Variants in CNOT2 observed in about 807,000 individuals in gnomAD.
CNOT2 encodes the protein CC chemokine receptor 4-negative regulator of transcription 2.
In CNOT2, 7 loss-of-function variants were observed where a neutral mutation model predicts 72.1. That is an observed-to-expected ratio of 0.10 (90% CI 0.06 to 0.18). The LOEUF is 0.18. CNOT2 is among the 10% of genes least tolerant of loss of function. The pLI is 1.00. For synonymous variants in CNOT2, 196 were observed against 225.6 expected (o/e 0.87, Z 1.17); for missense variants, 345 against 660.3 (o/e 0.52, Z 5.23).
intron 3 of CNOT2, among the ~76,000 whole-genome samples, chr12:70,311,270 TG>T (rs1876407638): frequency 1.3e-5 from 2 of 152,016 alleles, no homozygotes; most frequent in South Asian, 4.1e-4. Context: ...CTCAAAGACA[TG>T]GAGTAAACAT....
chr12:70,337,848 C>T, intron 9 of CNOT2: 1 of 444,920 alleles, frequency 2.2e-6, no homozygotes, highest in South Asian at 1.7e-5. Flanking sequence ...AGAATTTATA[C>T]ACATTTTTAT....
chr12:70,283,769 A>G (rs1288962897), intron 2 of CNOT2, among the ~76,000 whole-genome samples: 1 of 151,886 alleles, frequency 6.6e-6, no homozygotes. Flanking sequence ...AGCCAGAGAT[A>G]AAGTAAAGGG....
rs1207289264 is a variant in CNOT2, at chr12:70,246,211, C to CT, written c.-96+2739dup. On this transcript the variant is annotated intron_variant, in intron 1 of 15. Transcript: ENST00000229195. ...CTTTAAAAGCAGTGGTAAATAATAG[C>CT]TTTTTTTTGTTGTTAAAATTTGTAA... Among the ~76,000 whole-genome samples the CT allele has an allele frequency of 2.6e-5, 4 of 151,988 alleles. No individual in the cohort carries two copies. In the East Asian group the frequency reaches 5.8e-4, roughly 22 times the overall value.
chr12:70,309,520 A>G (rs1041626328), intron 2 of CNOT2, among the ~76,000 whole-genome samples: 1 of 152,128 alleles, frequency 6.6e-6, no homozygotes, highest in Non-Finnish European at 1.5e-5. Context: ...AGTCTGCAAC[A>G]TAGTTCACCA....
intron 2 of CNOT2, among the ~76,000 whole-genome samples, chr12:70,298,952 A>C (rs959362491): frequency 6.6e-6 from 1 of 152,208 alleles, no homozygotes; most frequent in East Asian, 1.9e-4. Context: ...GGGAAGAAGA[A>C]TAGATTAATA....
chr12:70,335,319 G>A, intron 7 of CNOT2, 119 bp from the exon 8 acceptor site: 1 of 710,772 alleles, frequency 1.4e-6, no homozygotes, highest in Non-Finnish European at 2.5e-6. Flanking sequence ...ACCTAGTACA[G>A]TGCCGTGCAT....
chr12:70,297,337 A>G (rs1302708498), intron 2 of CNOT2, among the ~76,000 whole-genome samples: 1 of 152,182 alleles, frequency 6.6e-6, no homozygotes, highest in African/African-American at 2.4e-5. Flanking sequence ...ATGCAAGCAG[A>G]CTACAAACTC....
At chr12:70,337,658 G>GCT (rs1327850663) in intron 9 of CNOT2, 145 bp downstream of exon 9, 1 of 891,820 alleles carries the variant, frequency 1.1e-6, no homozygotes, top group Admixed American at 2.2e-5. Flanking sequence ...ATGTGGAAAA[G>GCT]CTTTATAACT....
At chr12:70,303,955 T>G (rs1431487958) in intron 2 of CNOT2, among the ~76,000 whole-genome samples, 1 of 152,224 alleles carries the variant, frequency 6.6e-6, no homozygotes, top group African/African-American at 2.4e-5. Context: ...TTTCATTCAT[T>G]TCGTCTTCCA....
chr12:70,267,617 A>G (rs984544275), intron 1 of CNOT2, among the ~76,000 whole-genome samples: 2 of 152,238 alleles, frequency 1.3e-5, no homozygotes, highest in Admixed American at 1.3e-4. Context: ...TTCAAGTGGA[A>G]TGTGGAAACC....
chr12:70,265,936 C>G (rs1021779394), intron 1 of CNOT2, among the ~76,000 whole-genome samples: 3 of 150,374 alleles, frequency 2.0e-5, no homozygotes, highest in African/African-American at 7.3e-5. Context: ...TTTCCAGTTT[C>G]TCATGTCACT....
intron 1 of CNOT2, among the ~76,000 whole-genome samples, chr12:70,255,026 T>C (rs560874927): frequency 1.3e-5 from 2 of 150,982 alleles, no homozygotes; most frequent in African/African-American, 4.9e-5. Context: ...GAAAACTGGC[T>C]TATTGGACTT....
intron 1 of CNOT2, among the ~76,000 whole-genome samples, chr12:70,258,187 C>T (rs1001823899): frequency 2.6e-5 from 4 of 152,124 alleles, no homozygotes; most frequent in Non-Finnish European, 5.9e-5. Context: ...CCCTCCCAAG[C>T]ATTATTCCAT....
chr12:70,243,633 C>T (rs1315528731), intron 1 of CNOT2, 153 bp downstream of exon 1: 1 of 147,560 alleles, frequency 6.8e-6, no homozygotes, highest in African/African-American at 2.5e-5. Context: ...CTTCCCGTTG[C>T]TTTTGTCTCG....
intron 2 of CNOT2, among the ~76,000 whole-genome samples, chr12:70,279,977 T>C (rs370679465): frequency 1.4e-3 from 212 of 152,276 alleles, no homozygotes; most frequent in African/African-American, 4.8e-3. Context: ...ATGTTTTCCC[T>C]TTTCTCTCTT....
At chr12:70,246,060 C>G (rs918711453) in intron 1 of CNOT2, among the ~76,000 whole-genome samples, 6 of 152,084 alleles carry the variant, frequency 3.9e-5, no homozygotes, top group Admixed American at 3.9e-4. Flanking sequence ...TTTCTAGTGA[C>G]AGACTTACTT....
At chr12:70,266,518 T>C (rs766546284) in intron 1 of CNOT2, among the ~76,000 whole-genome samples, 30 of 152,236 alleles carry the variant, frequency 2.0e-4, no homozygotes, top group Non-Finnish European at 3.7e-4. Context: ...TTACTTGCTT[T>C]ATAATTACTT....
chr12:70,351,599 C>G (rs1882872404), intron 15 of CNOT2, among the ~76,000 whole-genome samples: 1 of 152,110 alleles, frequency 6.6e-6, no homozygotes. Flanking sequence ...TAAAGTTAAT[C>G]TAGTTTGAAT....
chr12:70,246,292 A>G (rs931398474), intron 1 of CNOT2, among the ~76,000 whole-genome samples: 5 of 152,174 alleles, frequency 3.3e-5, no homozygotes, highest in Non-Finnish European at 7.4e-5. Context: ...TAACAATGCC[A>G]TGTGCTTGCT....
Sources: gnomAD v4.1 joint callset for allele counts (sites outside exome capture counted in the v4.1 genomes callset) on GRCh38, gnomAD v4.1.1 for gene constraint, MANE v1.5 for transcripts, NCBI Gene and HGNC (gene_info 2026-07-23, HGNC 2026-07-21) for gene names.